Variants in TLCD4 observed in about 807,000 individuals in gnomAD.
TLCD4 encodes the protein TLC domain-containing protein 4.
TLCD4 carries 7 observed loss-of-function variants against 24.2 expected under a neutral mutation model. The observed-to-expected ratio is 0.29, with a 90% confidence interval of 0.16 to 0.54. The LOEUF (loss-of-function observed/expected upper bound fraction) is 0.54. Among genes scored for constraint, TLCD4 ranks in the 20% least tolerant of loss-of-function variants. The pLI, the probability that TLCD4 is intolerant of heterozygous loss-of-function variation, is 0.95. For synonymous variants in TLCD4, 103 were observed against 106.4 expected, an observed-to-expected ratio of 0.97 and a Z score of 0.20; for missense variants, 259 against 313.9, an observed-to-expected ratio of 0.82 and a Z score of 1.32.
chr1:95,097,879 A>C, the TLCD4 span, among the ~76,000 whole-genome samples: 1 of 152,212 alleles, frequency 6.6e-6, no homozygotes, highest in Non-Finnish European at 1.5e-5. Context: ...GATATAGATC[A>C]ATTTACTGCT....
intron 1 of TLCD4, among the ~76,000 whole-genome samples, chr1:95,135,571 T>A (rs1254716034): frequency 1.3e-5 from 2 of 151,970 alleles, no homozygotes; most frequent in Admixed American, 1.3e-4. Flanking sequence ...CTAATTTTTG[T>A]ATTTTTAGTA....
At chr1:95,178,551 C>T (rs898413767) in intron 6 of TLCD4, among the ~76,000 whole-genome samples, 12 of 147,878 alleles carry the variant, frequency 8.1e-5, no homozygotes, top group Non-Finnish European at 1.5e-4. Flanking sequence ...GCGTGAGCCA[C>T]CATGCCCAGC....
At chr1:95,149,832 C>G in intron 3 of TLCD4, among the ~76,000 whole-genome samples, 1 of 152,070 alleles carries the variant, frequency 6.6e-6, no homozygotes, top group East Asian at 1.9e-4. Flanking sequence ...ATGATTTACT[C>G]CAGGTCAAAT....
At position 95,117,500 on chromosome 1, in the gene TLCD4, T is replaced by TGGCCAGCGCCAGCCCTCG; in HGVS notation, c.-124_-107dup. ...CCGTGAGCATCTCACCGGGCGGCAC[T>TGGCCAGCGCCAGCCCTCG]GGCCAGCGCCAGCCCTCGGGCCGGC... On this transcript the variant is annotated 5_prime_UTR_variant, in exon 1 of 7. Coordinates refer to ENST00000370203, the MANE Select transcript of TLCD4 (RefSeq NM_152487.3). 1 of 151,796 alleles carries TGGCCAGCGCCAGCCCTCG rather than the reference T, an allele frequency of 6.6e-6. No homozygotes were observed. Among genetic ancestry groups the TGGCCAGCGCCAGCCCTCG allele is most frequent in the Non-Finnish European group, 1.5e-5 (1 of 67,962 alleles). The allele number at this position is 151,796 out of a possible 1,614,324, so 9.4% of individuals were successfully genotyped here.
chr1:95,141,865 T>C (rs1464836234), intron 1 of TLCD4, among the ~76,000 whole-genome samples: 1 of 147,894 alleles, frequency 6.8e-6, no homozygotes, highest in African/African-American at 2.5e-5. Context: ...TATAGACATA[T>C]GAATTCTGAT....
intron 1 of TLCD4, among the ~76,000 whole-genome samples, chr1:95,136,570 A>G (rs945896992): frequency 1.2e-4 from 18 of 152,228 alleles, no homozygotes; most frequent in Non-Finnish European, 1.5e-4. Flanking sequence ...TGTATAAAAT[A>G]TCAAGAGATA....
intron 6 of TLCD4, among the ~76,000 whole-genome samples, chr1:95,187,450 G>A (rs1218334654): frequency 1.3e-5 from 2 of 152,074 alleles, no homozygotes; most frequent in Non-Finnish European, 2.9e-5. Context: ...GTTTTGAGGA[G>A]TACTGATCAG....
chr1:95,118,018 G>A (rs779377002), intron 1 of TLCD4: 2 of 152,278 alleles, frequency 1.3e-5, no homozygotes. Context: ...CTTAAAGCGG[G>A]TGGGTGCAAA....
the TLCD4 span, among the ~76,000 whole-genome samples, chr1:95,099,466 T>TA: frequency 4.2e-5 from 5 of 119,530 alleles, no homozygotes; most frequent in Non-Finnish European, 9.9e-5. Flanking sequence ...TCAATTGTGC[T>TA]AAAAAACTCT....
chr1:95,110,850 T>G, the TLCD4 span, among the ~76,000 whole-genome samples: 2 of 141,064 alleles, frequency 1.4e-5, no homozygotes, highest in Non-Finnish European at 3.0e-5. Flanking sequence ...GGCAAGATTC[T>G]GTCTCAAAAG....
chr1:95,184,353 T>G (rs201644838), intron 6 of TLCD4, among the ~76,000 whole-genome samples: 74 of 2,452 alleles, frequency 0.03, no homozygotes, highest in African/African-American at 0.043. Context: ...CTTTTCTCAC[T>G]TTTTTTTTTT....
chr1:95,150,323 C>G, intron 4 of TLCD4, 57 bp downstream of exon 4: 1 of 1,587,856 alleles, frequency 6.3e-7, no homozygotes, highest in Non-Finnish European at 8.5e-7. Flanking sequence ...CGGAATTATA[C>G]AAAGAATATA....
chr1:95,145,997 A>G (rs1427240587), intron 2 of TLCD4, among the ~76,000 whole-genome samples: 2 of 152,180 alleles, frequency 1.3e-5, no homozygotes, highest in Non-Finnish European at 2.9e-5. Flanking sequence ...TGTAAGGTGG[A>G]GAGTGCAAAG....
chr1:95,114,628 G>A (rs1377377393), upstream of TLCD4, among the ~76,000 whole-genome samples: 1 of 152,038 alleles, frequency 6.6e-6, no homozygotes, highest in African/African-American at 2.4e-5. Context: ...TCAGCAGTTC[G>A]GGACCGGCCT....
At chr1:95,175,259 A>G (rs1678380848) in intron 6 of TLCD4, among the ~76,000 whole-genome samples, 1 of 152,202 alleles carries the variant, frequency 6.6e-6, no homozygotes, top group Admixed American at 6.5e-5. Context: ...GATTTTGACT[A>G]AATAATTCAT....
the TLCD4 span, among the ~76,000 whole-genome samples, chr1:95,094,787 C>T: frequency 2.0e-5 from 3 of 152,230 alleles, no homozygotes; most frequent in South Asian, 2.1e-4. Context: ...TTTTAAGCCA[C>T]TAAGTTTTGT....
chr1:95,139,616 G>T (rs1677145771), intron 1 of TLCD4, among the ~76,000 whole-genome samples: 1 of 151,760 alleles, frequency 6.6e-6, no homozygotes, highest in South Asian at 2.1e-4. Flanking sequence ...GTGCCACCAT[G>T]CCTGGCTAAT....
In TLCD4 at chr1:95,152,156, C is replaced by G. The variant is rs137909668; in HGVS notation, c.399+737C>G. On this transcript the variant is annotated intron_variant, in intron 5 of 6. Coordinates refer to ENST00000370203, the MANE Select transcript of TLCD4 (RefSeq NM_152487.3). ...ATTTGTCTTTTAAAGTGAATCTATT[C>G]ATAGGGAAACAAAATAGGAAAAGTT... 1.6e-4 allele frequency among the ~76,000 whole-genome samples: 24 copies of G among 151,984 alleles called. No homozygotes were observed. In the East Asian group the frequency reaches 4.4e-3, roughly 28 times the overall value.
At chr1:95,139,897 T>G (rs1677151509) in intron 1 of TLCD4, among the ~76,000 whole-genome samples, 1 of 152,204 alleles carries the variant, frequency 6.6e-6, no homozygotes, top group Admixed American at 6.5e-5. Flanking sequence ...ACTTTTTTGT[T>G]AAAAACGAAG....
Sources: gnomAD v4.1 joint callset for allele counts (sites outside exome capture counted in the v4.1 genomes callset) on GRCh38, gnomAD v4.1.1 for gene constraint, MANE v1.5 for transcripts, NCBI Gene and HGNC (gene_info 2026-07-23, HGNC 2026-07-21) for gene names.